GBF1: variants seen among roughly 807,000 people sequenced by gnomAD.
The protein encoded by GBF1 is Golgi-specific brefeldin A-resistance guanine nucleotide exchange factor 1.
Under a neutral mutation model 210.5 loss-of-function variants are expected in GBF1, and 114 were observed. The observed-to-expected ratio is 0.54, with a 90% CI of 0.47 to 0.63. The LOEUF is 0.63. Among genes scored for constraint, GBF1 ranks in the 30% least tolerant of loss-of-function variants. The probability of loss-of-function intolerance (pLI) is 0.00; values close to 1 mark genes in which losing one functional copy is unlikely to be tolerated. For missense variants in GBF1, 1,851 were observed against 2,357.7 expected (o/e 0.79, Z 4.45); for synonymous variants, 850 against 889.2 (o/e 0.96, Z 0.78).
intron 3 of GBF1, among the ~76,000 whole-genome samples, chr10:102,309,969 G>C (rs1274969956): frequency 1.3e-5 from 2 of 152,138 alleles, no homozygotes; most frequent in East Asian, 3.8e-4. Context: ...GTATAATTTA[G>C]GGAAAATACA....
intron 3 of GBF1, among the ~76,000 whole-genome samples, chr10:102,261,819 A>G (rs1342973872): frequency 1.3e-5 from 2 of 151,888 alleles, no homozygotes; most frequent in Non-Finnish European, 2.9e-5. Flanking sequence ...ACGGAGTTTC[A>G]CCATGTTGGC....
intron 1 of GBF1, among the ~76,000 whole-genome samples, chr10:102,247,061 C>G (rs1222640895): frequency 6.6e-6 from 1 of 152,166 alleles, no homozygotes; most frequent in African/African-American, 2.4e-5. Flanking sequence ...AGTATGTGAT[C>G]AGGACTTGTG....
At chr10:102,317,407 T>C (rs1433120562) in intron 3 of GBF1, among the ~76,000 whole-genome samples, 1 of 151,990 alleles carries the variant, frequency 6.6e-6, no homozygotes, top group African/African-American at 2.4e-5. Flanking sequence ...TCACCTGAGG[T>C]CAGGAGTTCG....
At chr10:102,330,082 G>A (rs1010120761) in intron 3 of GBF1, among the ~76,000 whole-genome samples, 2 of 152,150 alleles carry the variant, frequency 1.3e-5, no homozygotes, top group Non-Finnish European at 2.9e-5. Context: ...TTTGCAGTGA[G>A]CTATAATTGC....
At position 102,346,761 on chromosome 10, in the gene GBF1, C is replaced by G. The variant is rs573725703; in HGVS notation, c.295+2579C>G. Among the ~76,000 whole-genome samples the G allele has an allele frequency of 4.6e-5, 7 of 152,286 alleles. No homozygotes were observed. The East Asian group carries it at 1.4e-3, about 29-fold the overall frequency. On this transcript the variant is annotated intron_variant, in intron 4 of 39. Transcript: ENST00000369983. ...GAGCTCAAGAAATCCACCACCTTGG[C>G]CTCCCAAAGTGCTAGGATTACGGAT...
chr10:102,289,360 G>A (rs1337835970), intron 3 of GBF1, among the ~76,000 whole-genome samples: 1 of 152,168 alleles, frequency 6.6e-6, no homozygotes, highest in African/African-American at 2.4e-5. Context: ...CTTGGTGACA[G>A]GAGGTGGGTG....
At chr10:102,354,267 TCTC>T (rs933648316) in intron 8 of GBF1, among the ~76,000 whole-genome samples, 1 of 152,104 alleles carries the variant, frequency 6.6e-6, no homozygotes, top group African/African-American at 2.4e-5. Context: ...CACCTGACCT[TCTC>T]CTCTCCCCTG....
intron 8 of GBF1, among the ~76,000 whole-genome samples, chr10:102,353,940 G>A (rs2059146832): frequency 6.6e-6 from 1 of 152,106 alleles, no homozygotes; most frequent in Non-Finnish European, 1.5e-5. Context: ...AATGTCTGTT[G>A]ACAAAGATGA....
chr10:102,325,639 A>C (rs149430343), intron 3 of GBF1, among the ~76,000 whole-genome samples: 3 of 151,780 alleles, frequency 2.0e-5, no homozygotes, highest in African/African-American at 7.2e-5. Flanking sequence ...ATGAACTTAC[A>C]AAAGTTTTTT....
intron 4 of GBF1, among the ~76,000 whole-genome samples, chr10:102,345,196 C>T (rs182934198): frequency 9.0e-4 from 135 of 150,426 alleles, no homozygotes; most frequent in East Asian, 5.3e-3. Flanking sequence ...GCAGGTGAAT[C>T]GCTTGAACCC....
At chr10:102,376,840 G>GC (rs748771032) in intron 32 of GBF1, 40 bp downstream of exon 32, 307 of 1,609,870 alleles carry the variant, frequency 1.9e-4, no homozygotes, top group Non-Finnish European at 2.5e-4. Context: ...GAGTAGCCAT[G>GC]CAATTATGCA....
At chr10:102,285,206 G>A (rs1027790780) in intron 3 of GBF1, among the ~76,000 whole-genome samples, 3 of 152,218 alleles carry the variant, frequency 2.0e-5, no homozygotes, top group Non-Finnish European at 4.4e-5. Flanking sequence ...AAGAGTGTCA[G>A]TTACACTTTG....
intron 14 of GBF1, 84 bp from the exon 15 acceptor site, chr10:102,362,391 A>G (rs1385819418): frequency 1.1e-5 from 11 of 1,002,756 alleles, no homozygotes; most frequent in Non-Finnish European, 1.7e-5. Context: ...TACAAGTTAG[A>G]AGAAGTTTTG....
At chr10:102,275,410 A>G (rs2074865549) in intron 3 of GBF1, among the ~76,000 whole-genome samples, 1 of 152,230 alleles carries the variant, frequency 6.6e-6, no homozygotes, top group Non-Finnish European at 1.5e-5. Flanking sequence ...GAAAGCACCT[A>G]GAAGTAGCCT....
Position 102,259,030 on chromosome 10 carries a change from C to A in GBF1, c.92C>A (p.Pro31Gln), listed in dbSNP as rs370120610. 3.9e-6 allele frequency: 6 copies of A among 1,528,854 alleles called. No individual in the cohort carries two copies. The highest frequency in any genetic ancestry group is 5.4e-6 in the Non-Finnish European group (6 of 1,102,494). The allele number at this position is 1,528,854 out of a possible 1,614,324, so 94.7% of individuals were successfully genotyped here. A position where few individuals can be genotyped will look rare whatever the true frequency, so the allele number is the denominator to read the frequency against. ...AATGCCCGATGGAGCACCCATACAC[C>A]ACTGGTAAGTGGGAAATGGATAAAT... ...KRNARWSTHTPLDEERDPLLH... is the reference protein window; with the variant it reads ...KRNARWSTHTQLDEERDPLLH... Residue 31 changes from proline to glutamine, a missense_variant, in exon 2 of 40, where the codon CCA becomes CAA. This residue lies in a region of GBF1 where 804 missense variants were observed against 958.6 expected (regional missense o/e 0.84). Transcript: ENST00000369983.
chr10:102,244,001 A>G (rs2070628685), upstream of GBF1, among the ~76,000 whole-genome samples: 1 of 152,096 alleles, frequency 6.6e-6, no homozygotes, highest in South Asian at 2.1e-4. Flanking sequence ...GTGGTGGCAG[A>G]TGCCTGTAAT....
intron 8 of GBF1, among the ~76,000 whole-genome samples, chr10:102,357,486 C>CAAAAAAAA (rs1173962338): frequency 9.9e-6 from 1 of 101,170 alleles, no homozygotes. Flanking sequence ...GACTCCATCT[C>CAAAAAAAA]AAAAAAAAAA....
intron 3 of GBF1, among the ~76,000 whole-genome samples, chr10:102,307,039 A>T (rs182057325): frequency 1.1e-4 from 17 of 152,346 alleles, no homozygotes; most frequent in African/African-American, 3.8e-4. Flanking sequence ...AATTTAGCGG[A>T]CATTAAGCTG....
In GBF1 at chr10:102,377,018, T is replaced by A. The variant is rs2060540379; in HGVS notation, c.4372T>A (p.Ser1458Thr). 3.7e-6 allele frequency: 6 copies of A among 1,614,028 alleles called. No individual in the cohort carries two copies. Among genetic ancestry groups the A allele is most frequent in the Non-Finnish European group, 5.1e-6 (6 of 1,179,968 alleles). ...NRFKKKSKEG[S>T]MLRRPRTSSQ... ...CTTCAAGAAGAAATCCAAAGAGGGA[T>A]CAATGCTTCGCCGGCCTCGAACCTC... Residue 1458 changes from serine to threonine, a missense_variant, in exon 33 of 40, where the codon TCA becomes ACA. Physicochemically the swap from Ser to Thr is moderately conservative, Grantham distance 58 (BLOSUM62 1). Around this residue, in one of 3 missense-constraint regions of GBF1, gnomAD observed 967 missense variants for 1,247.7 expected, o/e 0.78. Transcript: ENST00000369983.
Sources: gnomAD v4.1 joint callset for allele counts (sites outside exome capture counted in the v4.1 genomes callset) on GRCh38, gnomAD v4.1.1 for gene constraint, gnomAD v4.1.1 regional missense constraint, MANE v1.5 for transcripts, NCBI Gene and HGNC (gene_info 2026-07-23, HGNC 2026-07-21) for gene names.